Variants in DIP2C observed in about 807,000 individuals in gnomAD.
DIP2C encodes disco-interacting protein 2 homolog C.
A neutral mutation model predicts 192.4 loss-of-function variants in DIP2C; 33 were observed. That is an observed-to-expected ratio of 0.17 (90% CI 0.13 to 0.23). DIP2C has a LOEUF of 0.23. DIP2C is among the 10% of genes least tolerant of loss of function. The pLI, the probability that DIP2C is intolerant of heterozygous loss-of-function variation, is 1.00. For synonymous variants in DIP2C, 979 were observed against 864.1 expected (o/e 1.13, Z -2.33); for missense variants, 1,537 against 2,110.1 (o/e 0.73, Z 5.32).
intron 3 of DIP2C, among the ~76,000 whole-genome samples, chr10:469,586 G>A (rs1970471117): frequency 6.6e-6 from 1 of 152,090 alleles, no homozygotes; most frequent in African/African-American, 2.4e-5. Context: ...CAAAGTGCTG[G>A]GACTACAGGC....
chr10:454,326 T>G (rs1028865765), intron 3 of DIP2C, among the ~76,000 whole-genome samples: 1 of 152,216 alleles, frequency 6.6e-6, no homozygotes, highest in East Asian at 1.9e-4. Flanking sequence ...TTAACTAAAA[T>G]ACATTTAACA....
intron 3 of DIP2C, among the ~76,000 whole-genome samples, chr10:447,378 T>C (rs1422417140): frequency 6.9e-6 from 1 of 145,766 alleles, no homozygotes; most frequent in African/African-American, 2.7e-5. Context: ...CCCCTGTCGA[T>C]ACTCAGGATC....
At chr10:277,718 T>C (rs1954588457) in intron 36 of DIP2C, 141 bp from the exon 37 acceptor site, 2 of 1,169,010 alleles carry the variant, frequency 1.7e-6, no homozygotes, top group South Asian at 1.6e-5. Context: ...ACGTCCTCCG[T>C]CTGCCGCCCA....
intron 1 of DIP2C, among the ~76,000 whole-genome samples, chr10:554,698 C>T (rs1848751879): frequency 6.6e-6 from 1 of 152,340 alleles, no homozygotes; most frequent in South Asian, 2.1e-4. Flanking sequence ...GGCCAGGACA[C>T]CGCGCACAGA....
chr10:433,527 A>C (rs1966931903), intron 4 of DIP2C, among the ~76,000 whole-genome samples: 1 of 152,104 alleles, frequency 6.6e-6, no homozygotes, highest in Non-Finnish European at 1.5e-5. Flanking sequence ...AATAGGAAAA[A>C]AAAAATAGCC....
chr10:490,202 C>T (rs575415648), intron 1 of DIP2C, among the ~76,000 whole-genome samples: 63 of 152,122 alleles, frequency 4.1e-4, no homozygotes, highest in Admixed American at 7.9e-4. Flanking sequence ...GTGGCTCTGA[C>T]GGTGCCTGGG....
chr10:492,306 C>A (rs1588287846), intron 1 of DIP2C, among the ~76,000 whole-genome samples: 2 of 152,346 alleles, frequency 1.3e-5, no homozygotes, highest in East Asian at 3.9e-4. Flanking sequence ...CCCCACAGGG[C>A]CTCCAAGTCC....
At chr10:297,132 T>C (rs1349337101) in intron 32 of DIP2C, among the ~76,000 whole-genome samples, 3 of 151,846 alleles carry the variant, frequency 2.0e-5, no homozygotes, top group Non-Finnish European at 4.4e-5. Flanking sequence ...AGGCAGAGGT[T>C]GCAGTGAGCC....
intron 10 of DIP2C, among the ~76,000 whole-genome samples, chr10:395,814 G>A (rs1963942712): frequency 6.6e-6 from 1 of 152,178 alleles, no homozygotes; most frequent in Admixed American, 6.5e-5. Context: ...CTGTCCCCGT[G>A]TCCTCATCAC....
chr10:281,271 C>A lies in DIP2C; in HGVS notation c.4347G>T (p.Leu1449=), dbSNP rs1305422846. 10 of 1,614,084 alleles carry A rather than the reference C, an allele frequency of 6.2e-6. No homozygotes were observed. In the African/African-American group the frequency reaches 1.3e-4, roughly 22 times the overall value. Residue 1449 remains leucine, a synonymous_variant, in exon 36 of 37, where the codon CTG becomes CTT. Transcript: ENST00000280886. Reference sequence around the variant, plus strand: ...CGATTGGGTGGTACCGCATGCCCCGCAGCTCCATGGCTTCGTCCAGTGCCC... The same window carrying A: ...CGATTGGGTGGTACCGCATGCCCCGAAGCTCCATGGCTTCGTCCAGTGCCC... The part of the protein sequence containing the change: ...VVGALDEAME[L]RGMRYHPIDI...
In DIP2C at chr10:414,872, GTGTGTGTGTGTGTGTGTGTA is replaced by G. The variant is rs1242613704; in HGVS notation, c.860-782_860-763del. Among the ~76,000 whole-genome samples, 60 of 56,926 alleles carry G rather than the reference GTGTGTGTGTGTGTGTGTGTA, an allele frequency of 1.1e-3. No individual in the cohort carries two copies. The South Asian group carries it at 0.029, about 28-fold the overall frequency. The allele number at this position is 56,926 out of a possible 152,430, so 37.3% of individuals were successfully genotyped here. ...TATATTTGTGTGTGTGTGTGTGTGT[GTGTGTGTGTGTGTGTGTGTA>G]TATATATATATATATTTTTTTTTTT... On this transcript the variant is annotated intron_variant, in intron 7 of 36. Transcript: ENST00000280886.
intron 1 of DIP2C, among the ~76,000 whole-genome samples, chr10:586,843 A>G (rs868639471): frequency 1.5e-5 from 2 of 134,468 alleles, no homozygotes; most frequent in South Asian, 4.2e-4. Flanking sequence ...GCTGCCCCCC[A>G]CATTTTGTGG....
At chr10:534,249 C>T (rs992314606) in intron 1 of DIP2C, among the ~76,000 whole-genome samples, 7 of 152,176 alleles carry the variant, frequency 4.6e-5, no homozygotes, top group East Asian at 3.9e-4. Flanking sequence ...ACGTGCGAAA[C>T]GGGGAGGTGC....
Position 651,475 on chromosome 10 carries a change from G to A in DIP2C, c.85+38019C>T, listed in dbSNP as rs1855900863. 3.2e-6 allele frequency: 2 copies of A among 627,078 alleles called. No individual in the cohort carries two copies. Among genetic ancestry groups the A allele is most frequent in the Admixed American group, 2.3e-5 (1 of 43,930 alleles). 38.8% of individuals were successfully genotyped at this position (627,078 alleles called of 1,614,324 possible). A position where few individuals can be genotyped will look rare whatever the true frequency, so the allele number is the denominator to read the frequency against. On this transcript the variant is annotated intron_variant, in intron 1 of 36. Coordinates refer to ENST00000280886, the MANE Select transcript of DIP2C (RefSeq NM_014974.3). The surrounding 1 kb of genome is among the most constrained non-coding windows in gnomAD (Gnocchi z 4.1). ...GCAGAAGACTTAGTAGAATGTATGAGTAACAATTACAATTATATGAAAATC... is the reference window on the plus strand; with the variant it reads ...GCAGAAGACTTAGTAGAATGTATGAATAACAATTACAATTATATGAAAATC...
rs1954496353 is a variant in DIP2C at position 276,021 on chromosome 10, G to T, written c.*1304C>A. 1.3e-5 allele frequency: 2 copies of T among 152,212 alleles called. No homozygotes were observed. Among genetic ancestry groups the T allele is most frequent in the Admixed American group, 1.3e-4 (2 of 15,282 alleles). The allele number at this position is 152,212 out of a possible 1,614,324, so 9.4% of individuals were successfully genotyped here. ...CACTCCACATTGGCCATCAGAGGGG[G>T]AATCAATGCAACCCAGTGCGAATGA... On this transcript the variant is annotated 3_prime_UTR_variant, in exon 37 of 37. Coordinates refer to ENST00000280886, the MANE Select transcript of DIP2C (RefSeq NM_014974.3).
intron 32 of DIP2C, among the ~76,000 whole-genome samples, chr10:307,678 G>GA (rs757446614): frequency 2.6e-5 from 4 of 152,094 alleles, no homozygotes; most frequent in East Asian, 1.9e-4. Flanking sequence ...ACATCGCGGA[G>GA]AAAAAAACAG....
intron 9 of DIP2C, among the ~76,000 whole-genome samples, chr10:405,694 G>C (rs1279024168): frequency 6.6e-6 from 1 of 152,176 alleles, no homozygotes; most frequent in African/African-American, 2.4e-5. Flanking sequence ...TCAATCCTCT[G>C]TGTACTTCTT....
In DIP2C at chr10:386,602, TA is replaced by T. The variant is rs371738152; in HGVS notation, c.1662+1142del. Among the ~76,000 whole-genome samples the T allele has an allele frequency of 1.0e-3, 159 of 152,336 alleles. 1 individual carries two copies. Among genetic ancestry groups the T allele is most frequent in the African/African-American group, 3.6e-3 (148 of 41,590 alleles). On this transcript the variant is annotated intron_variant, in intron 14 of 36. Coordinates refer to ENST00000280886, the MANE Select transcript of DIP2C (RefSeq NM_014974.3). The stretch of plus-strand genomic sequence containing the variant: ...CCAGACTTGAGAGACGACCTGTGTG[TA>T]ACACGGAAAGAAGCCAGCCGGGCTG...
intron 1 of DIP2C, among the ~76,000 whole-genome samples, chr10:555,241 A>G (rs1341428054): frequency 1.3e-5 from 2 of 151,218 alleles, no homozygotes; most frequent in African/African-American, 4.9e-5. Context: ...CTGCCCCATG[A>G]GGAGGTTCAC....
Sources: gnomAD v4.1 joint callset for allele counts (sites outside exome capture counted in the v4.1 genomes callset) on GRCh38, gnomAD v4.1.1 for gene constraint, Gnocchi (gnomAD v3.1) non-coding constraint, MANE v1.5 for transcripts, NCBI Gene and HGNC (gene_info 2026-07-23, HGNC 2026-07-21) for gene names.